STK32A: variants seen among roughly 807,000 people sequenced by gnomAD.
STK32A encodes serine/threonine-protein kinase 32A.
A neutral mutation model predicts 53.2 loss-of-function variants in STK32A; 41 were observed. The observed-to-expected ratio is 0.77, with a 90% CI of 0.60 to 1.00. STK32A has a LOEUF of 1.00. STK32A is among the 50% of genes least tolerant of loss of function. The pLI is 0.00. For synonymous variants in STK32A, 166 were observed against 162.8 expected (o/e 1.02, Z -0.15); for missense variants, 458 against 485.8 (o/e 0.94, Z 0.54).
At chr5:147,363,978 G>C (rs1000513884) in intron 8 of STK32A, among the ~76,000 whole-genome samples, 2 of 152,088 alleles carry the variant, frequency 1.3e-5, no homozygotes, top group Non-Finnish European at 2.9e-5. Flanking sequence ...CACTTTAGAA[G>C]GCTGAGGCGG....
At chr5:147,334,125 G>T (rs1376438160) in intron 5 of STK32A, among the ~76,000 whole-genome samples, 1 of 152,172 alleles carries the variant, frequency 6.6e-6, no homozygotes, top group Non-Finnish European at 1.5e-5. Flanking sequence ...TTAGAAGTGA[G>T]GAGTAATTTG....
rs566806385 is a variant in STK32A, at chr5:147,383,232, G to A, written c.1033-209G>A. ...TTAGACAGATTCTGCCAGTGCAATC[G>A]CTGTCTAGGAGGGGAGACAGATTCC... On this transcript the variant is annotated intron_variant, in intron 11 of 12. Coordinates refer to ENST00000397936, the MANE Select transcript of STK32A (RefSeq NM_001112724.2). The A allele has an allele frequency of 4.8e-5, 28 of 581,616 alleles. 1 individual carries two copies. In the South Asian group the frequency reaches 5.1e-4, roughly 11 times the overall value. 36.0% of individuals were successfully genotyped at this position (581,616 alleles called of 1,614,324 possible).
chr5:147,351,049 T>C lies in STK32A; in HGVS notation c.473-16T>C, dbSNP rs1581127445. Reference sequence around the variant, plus strand: ...AATGGGACTTAACTTTCTGTGTGGTTCTTCTCTCTCTGCAGGGCACGTGCA... The same window carrying C: ...AATGGGACTTAACTTTCTGTGTGGTCCTTCTCTCTCTGCAGGGCACGTGCA... On this transcript the variant is annotated splice_polypyrimidine_tract_variant and intron_variant, in intron 6 of 12. Coordinates refer to ENST00000397936, the MANE Select transcript of STK32A (RefSeq NM_001112724.2). 4 of 1,611,462 alleles carry C rather than the reference T, an allele frequency of 2.5e-6. No individual in the cohort carries two copies. In the African/African-American group the frequency reaches 5.3e-5, roughly 22 times the overall value.
intron 4 of STK32A, among the ~76,000 whole-genome samples, chr5:147,286,949 T>A (rs577448307): frequency 1.7e-4 from 26 of 152,296 alleles, no homozygotes; most frequent in African/African-American, 6.3e-4. Flanking sequence ...ATCAGCTGAC[T>A]TGAGGTTGAT....
chr5:147,262,762 T>C (rs1339505777), intron 2 of STK32A, among the ~76,000 whole-genome samples: 1 of 152,114 alleles, frequency 6.6e-6, no homozygotes, highest in East Asian at 1.9e-4. Context: ...ACTATCAACG[T>C]TGCAGAAACT....
At chr5:147,240,001 C>T (rs1285286751) in intron 2 of STK32A, 2 of 275,228 alleles carry the variant, frequency 7.3e-6, no homozygotes, top group Admixed American at 5.3e-5. Context: ...GTTGAAGTTA[C>T]CCCCATTGCT....
chr5:147,323,847 C>A (rs1754438846), intron 4 of STK32A, 51 bp from the exon 5 acceptor site: 1 of 1,488,676 alleles, frequency 6.7e-7, no homozygotes, highest in African/African-American at 1.4e-5. Context: ...CTCTGAGACT[C>A]TTTAATGTGT....
intron 2 of STK32A, among the ~76,000 whole-genome samples, chr5:147,240,669 A>G (rs1312292092): frequency 6.6e-6 from 1 of 152,238 alleles, no homozygotes; most frequent in Non-Finnish European, 1.5e-5. Flanking sequence ...TCATCAAGGA[A>G]AGTTTATTGG....
At chr5:147,368,983 A>AGG (rs1756891349) in intron 8 of STK32A, among the ~76,000 whole-genome samples, 3 of 152,212 alleles carry the variant, frequency 2.0e-5, no homozygotes, top group Non-Finnish European at 2.9e-5. Flanking sequence ...GCTTGAGTAT[A>AGG]CTAAGCCTAA....
At chr5:147,347,308 C>T (rs1205590734) in intron 6 of STK32A, among the ~76,000 whole-genome samples, 1 of 145,370 alleles carries the variant, frequency 6.9e-6, no homozygotes, top group Non-Finnish European at 1.5e-5. Context: ...GATCCTCTAT[C>T]CCAAGCAATA....
chr5:147,393,528 A>G, the STK32A span: 1 of 153,886 alleles, frequency 6.5e-6, no homozygotes, highest in Non-Finnish European at 1.5e-5. Flanking sequence ...CCATGGAAAT[A>G]ACGTACGTCA....
intron 4 of STK32A, among the ~76,000 whole-genome samples, chr5:147,308,546 C>A (rs1337645617): frequency 6.6e-6 from 1 of 152,124 alleles, no homozygotes; most frequent in Non-Finnish European, 1.5e-5. Context: ...ATGCATATTG[C>A]ACATGCATTG....
chr5:147,363,815 G>A (rs558813156), intron 8 of STK32A, among the ~76,000 whole-genome samples: 3 of 152,220 alleles, frequency 2.0e-5, no homozygotes, highest in African/African-American at 7.2e-5. Flanking sequence ...TCAATTTCTG[G>A]TTGCTTTTTG....
intron 2 of STK32A, among the ~76,000 whole-genome samples, chr5:147,260,767 G>T (rs1161748267): frequency 6.6e-6 from 1 of 152,170 alleles, no homozygotes; most frequent in African/African-American, 2.4e-5. Context: ...CCCATGGCGG[G>T]ATACGCCCTA....
intron 4 of STK32A, among the ~76,000 whole-genome samples, chr5:147,297,502 G>A (rs1045280272): frequency 6.6e-6 from 1 of 152,090 alleles, no homozygotes; most frequent in Non-Finnish European, 1.5e-5. Context: ...GTGCTTTTTT[G>A]TAAATCCTTC....
chr5:147,277,645 G>C (rs1046891359), intron 2 of STK32A, among the ~76,000 whole-genome samples: 1 of 152,162 alleles, frequency 6.6e-6, no homozygotes, highest in African/African-American at 2.4e-5. Context: ...TTAAAGTGCT[G>C]ATCCTCGGTA....
chr5:147,393,938 C>T, the STK32A span: 1 of 1,235,630 alleles, frequency 8.1e-7, no homozygotes, highest in East Asian at 2.4e-5. Context: ...TAGATCACAA[C>T]CGTTTGGATT....
intron 5 of STK32A, among the ~76,000 whole-genome samples, chr5:147,330,254 T>C (rs1754801227): frequency 6.6e-6 from 1 of 152,166 alleles, no homozygotes; most frequent in African/African-American, 2.4e-5. Context: ...AGGTATTTCC[T>C]TGTGGCTGTA....
At chr5:147,330,453 C>A (rs1200703754) in intron 5 of STK32A, among the ~76,000 whole-genome samples, 2 of 152,130 alleles carry the variant, frequency 1.3e-5, no homozygotes, top group Non-Finnish European at 2.9e-5. Flanking sequence ...TGGAACCAGC[C>A]CATGCTGAGG....
Sources: allele counts gnomAD v4.1 joint callset (sites outside exome capture counted in the v4.1 genomes callset), GRCh38; gene constraint gnomAD v4.1.1; transcripts MANE v1.5; gene names NCBI Gene and HGNC (gene_info 2026-07-23, HGNC 2026-07-21).